Variants in HSPA12A observed in about 807,000 individuals in gnomAD.
The protein encoded by HSPA12A is heat shock 70 kDa protein 12A.
A neutral mutation model predicts 69.2 loss-of-function variants in HSPA12A; 28 were observed. The observed-to-expected ratio is 0.40, with a 90% confidence interval of 0.30 to 0.55. The LOEUF is 0.55. Ranked by LOEUF, HSPA12A falls within the 20% of genes least tolerant of loss-of-function variation. HSPA12A has a pLI of 0.38. For synonymous variants in HSPA12A, 345 were observed against 370.5 expected, an observed-to-expected ratio of 0.93 and a Z score of 0.79; for missense variants, 686 against 900.7, an observed-to-expected ratio of 0.76 and a Z score of 3.05.
At chr10:116,837,704 T>C (rs1017743278) in intron 1 of HSPA12A, among the ~76,000 whole-genome samples, 1 of 152,066 alleles carries the variant, frequency 6.6e-6, no homozygotes, top group African/African-American at 2.4e-5. Context: ...ATACATGATA[T>C]CCAGCTAGGG....
At chr10:116,756,052 A>G (rs936761621) in intron 2 of HSPA12A, among the ~76,000 whole-genome samples, 10 of 152,186 alleles carry the variant, frequency 6.6e-5, no homozygotes, top group African/African-American at 1.9e-4. Flanking sequence ...GATAACCACT[A>G]AAAGTATGCC....
chr10:116,763,753 A>C (rs782194878), intron 2 of HSPA12A, among the ~76,000 whole-genome samples: 14 of 152,204 alleles, frequency 9.2e-5, no homozygotes, highest in Non-Finnish European at 1.9e-4. Flanking sequence ...ACAAGATTCA[A>C]CTGAATTGGA....
chr10:116,785,197 C>G (rs2133143160), intron 2 of HSPA12A, among the ~76,000 whole-genome samples: 1 of 152,224 alleles, frequency 6.6e-6, no homozygotes, highest in East Asian at 1.9e-4. Context: ...CTTTCCTCCC[C>G]CTCCCACCCA....
intron 2 of HSPA12A, among the ~76,000 whole-genome samples, chr10:116,805,923 AT>A (rs1845058971): frequency 6.6e-6 from 1 of 152,208 alleles, no homozygotes; most frequent in Admixed American, 6.5e-5. Flanking sequence ...CTAACCCAGG[AT>A]GCCTGAGCGT....
intron 6 of HSPA12A, among the ~76,000 whole-genome samples, chr10:116,689,414 C>A (rs947717325): frequency 6.6e-6 from 1 of 152,038 alleles, no homozygotes; most frequent in Admixed American, 6.5e-5. Flanking sequence ...GGATGGGATG[C>A]ACTTTGGGTA....
At chr10:116,749,248 G>A (rs1291177143) in intron 2 of HSPA12A, among the ~76,000 whole-genome samples, 1 of 152,200 alleles carries the variant, frequency 6.6e-6, no homozygotes, top group Non-Finnish European at 1.5e-5. Context: ...TCTGTTTATG[G>A]TGAGCCTTCC....
At chr10:116,718,704 G>A (rs1850682507) in intron 1 of HSPA12A, among the ~76,000 whole-genome samples, 1 of 152,054 alleles carries the variant, frequency 6.6e-6, no homozygotes, top group African/African-American at 2.4e-5. Context: ...ACTGCCTAGA[G>A]TGGGCCCCTT....
At chr10:116,793,642 A>G (rs1844750207) in intron 2 of HSPA12A, among the ~76,000 whole-genome samples, 1 of 152,188 alleles carries the variant, frequency 6.6e-6, no homozygotes, top group Non-Finnish European at 1.5e-5. Flanking sequence ...ATGCAAATCA[A>G]GAGAGGGAGA....
chr10:116,687,364 G>C (rs529071163), intron 6 of HSPA12A, among the ~76,000 whole-genome samples: 1 of 152,152 alleles, frequency 6.6e-6, no homozygotes. Flanking sequence ...TGTCTGGGAG[G>C]CCTCGGACAA....
intron 2 of HSPA12A, among the ~76,000 whole-genome samples, chr10:116,789,920 A>G (rs988626002): frequency 1.3e-5 from 2 of 151,682 alleles, no homozygotes; most frequent in African/African-American, 2.4e-5. Context: ...CTGCACCTCC[A>G]CACCCACTGT....
At chr10:116,676,887 C>T (rs558514813) in intron 10 of HSPA12A, among the ~76,000 whole-genome samples, 72 of 152,324 alleles carry the variant, frequency 4.7e-4, no homozygotes, top group African/African-American at 1.4e-4. Context: ...CTGCTACTTA[C>T]GGCTACACAT....
At chr10:116,687,559 C>T (rs782063681) in intron 6 of HSPA12A, among the ~76,000 whole-genome samples, 4 of 152,174 alleles carry the variant, frequency 2.6e-5, no homozygotes, top group Non-Finnish European at 4.4e-5. Context: ...GGAGGAAATG[C>T]TAAAGTATCG....
chr10:116,808,982 C>T (rs559324915), intron 2 of HSPA12A, among the ~76,000 whole-genome samples: 2 of 152,288 alleles, frequency 1.3e-5, no homozygotes, highest in South Asian at 4.1e-4. Flanking sequence ...GAGGGGCCTC[C>T]TTCCACAGAC....
At chr10:116,768,810 A>AT (rs1157279411) in intron 2 of HSPA12A, among the ~76,000 whole-genome samples, 6 of 151,390 alleles carry the variant, frequency 4.0e-5, no homozygotes, top group Admixed American at 2.6e-4. Context: ...CGGCTCAATT[A>AT]TTTTTTTTTA....
intron 4 of HSPA12A, among the ~76,000 whole-genome samples, chr10:116,700,445 C>T (rs1850048479): frequency 6.6e-6 from 1 of 152,126 alleles, no homozygotes; most frequent in Non-Finnish European, 1.5e-5. Flanking sequence ...ACTTGATGTC[C>T]TGAGCTCCCC....
At chr10:116,837,639 T>C (rs1564836381) in intron 1 of HSPA12A, among the ~76,000 whole-genome samples, 1 of 152,166 alleles carries the variant, frequency 6.6e-6, no homozygotes, top group Non-Finnish European at 1.5e-5. Flanking sequence ...TTTTTTTCCT[T>C]AGAATTTAGA....
chr10:116,739,449 C>T (rs1554886758), intron 1 of HSPA12A, among the ~76,000 whole-genome samples: 2 of 152,134 alleles, frequency 1.3e-5, no homozygotes, highest in African/African-American at 4.8e-5. Flanking sequence ...CAATGCCAGG[C>T]CTCGAGAGAT....
chr10:116,850,414 C>T (rs749112676), upstream of HSPA12A, among the ~76,000 whole-genome samples: 83 of 152,176 alleles, frequency 5.5e-4, no homozygotes, highest in Non-Finnish European at 8.8e-4. Flanking sequence ...TCTCACCTTC[C>T]GGGTCTCTGC....
intron 2 of HSPA12A, among the ~76,000 whole-genome samples, chr10:116,794,006 G>C (rs543087244): frequency 1.3e-5 from 2 of 152,118 alleles, no homozygotes; most frequent in East Asian, 3.9e-4. Flanking sequence ...AGATCATCCT[G>C]GCTAATATGG....
Sources: gnomAD v4.1 joint callset for allele counts (sites outside exome capture counted in the v4.1 genomes callset) on GRCh38, gnomAD v4.1.1 for gene constraint, MANE v1.5 for transcripts, NCBI Gene and HGNC (gene_info 2026-07-23, HGNC 2026-07-21) for gene names.